The following CLEC16A variants were observed in gnomAD, a reference collection of about 807,000 sequenced individuals.
CLEC16A encodes the protein protein CLEC16A.
Under a neutral mutation model 109.5 loss-of-function variants are expected in CLEC16A, and 51 were observed. The observed-to-expected ratio is 0.47, with a 90% CI of 0.37 to 0.59. CLEC16A has a LOEUF of 0.59. Ranked by LOEUF, CLEC16A falls within the 20% of genes least tolerant of loss-of-function variation. The pLI is 0.00. For missense variants in CLEC16A, 1,339 were observed against 1,394.0 expected (o/e 0.96, Z 0.63); for synonymous variants, 673 against 564.2 (o/e 1.19, Z -2.73).
Position 11,178,480 on chromosome 16 carries a change from C to T in CLEC16A, c.2952C>T (p.Val984=). 4.3e-6 allele frequency: 7 copies of T among 1,613,658 alleles called. No individual in the cohort carries two copies. The highest frequency in any genetic ancestry group is 5.9e-6 in the Non-Finnish European group (7 of 1,179,902). The change falls in exon 24 of 24, where the codon GTC becomes GTT. Residue 984 remains valine, a synonymous_variant. Coordinates refer to ENST00000409790, the MANE Select transcript of CLEC16A (RefSeq NM_015226.3). The surrounding 1 kb of genome is among the most constrained non-coding windows in gnomAD (Gnocchi z 6.5). The part of the protein sequence containing the change: ...VETASLSPSL[V]PARQPTISLL... The stretch of plus-strand genomic sequence containing the variant: ...CAGCCAGCCTGTCCCCCAGCCTCGT[C>T]CCTGCCCGGCAGCCCACCATTTCCC...
Position 11,178,291 on chromosome 16 carries a change from T to C in CLEC16A, c.2807-44T>C. The C allele has an allele frequency of 6.5e-7, 1 of 1,530,224 alleles. No homozygotes were observed. The highest frequency in any genetic ancestry group is 8.9e-7 in the Non-Finnish European group (1 of 1,118,448). The allele number at this position is 1,530,224 out of a possible 1,614,324, so 94.8% of individuals were successfully genotyped here. A position where few individuals can be genotyped will look rare whatever the true frequency, so the allele number is the denominator to read the frequency against. ...GCACAGGGCGCAGTGCGACGGGGTG[T>C]CTCAAGGGCTCAGTGTGTTTCCGGT... On this transcript the variant is annotated intron_variant, in intron 23 of 23. Transcript: ENST00000409790. This position sits in a 1 kb window ranked among gnomAD's most constrained non-coding sequence, Gnocchi z 6.5.
At chr16:10,972,589 T>G in intron 6 of CLEC16A, 30 bp downstream of exon 6, 1 of 1,590,202 alleles carries the variant, frequency 6.3e-7, no homozygotes, top group Non-Finnish European at 8.6e-7. Flanking sequence ...TTTTCTGCTT[T>G]CTTAATCTAC....
chr16:10,985,218 A>ATATATATAT (rs58768192), intron 10 of CLEC16A, among the ~76,000 whole-genome samples: 165 of 124,150 alleles, frequency 1.3e-3, no homozygotes, highest in South Asian at 9.2e-3. Flanking sequence ...AAAAAAAAAA[A>ATATATATAT]AAATATATAT....
intron 13 of CLEC16A, among the ~76,000 whole-genome samples, chr16:11,033,228 T>C (rs1401450960): frequency 6.6e-6 from 1 of 151,878 alleles, no homozygotes; most frequent in Non-Finnish European, 1.5e-5. Flanking sequence ...TGGGGGTGCA[T>C]TTACTAGGAT....
chr16:10,959,427 T>C (rs974254213), intron 2 of CLEC16A, among the ~76,000 whole-genome samples: 2 of 152,232 alleles, frequency 1.3e-5, no homozygotes, highest in African/African-American at 2.4e-5. Flanking sequence ...AGTCTTGCTC[T>C]GTCATCCAGG....
intron 22 of CLEC16A, among the ~76,000 whole-genome samples, chr16:11,159,173 G>A (rs1438240405): frequency 2.6e-5 from 4 of 152,196 alleles, no homozygotes; most frequent in Non-Finnish European, 5.9e-5. Context: ...AGAAGAAGCT[G>A]GAATCTGTGC....
chr16:10,982,922 T>C lies in CLEC16A; in HGVS notation c.1002T>C (p.Ala334=), dbSNP rs199527111. The change falls in exon 10 of 24, where the codon GCT becomes GCC. Residue 334 remains alanine (A), a synonymous_variant. Coordinates refer to ENST00000409790, the MANE Select transcript of CLEC16A (RefSeq NM_015226.3). The part of the protein sequence containing the change: ...IHHAPLVNSL[A]EVILNGDLSE... ...ATGCACCGCTGGTGAACTCGTTAGC[T>C]GAAGTCATTCTGAATGGTGATCTGT... 9 of 1,613,216 alleles carry C rather than the reference T, an allele frequency of 5.6e-6. No individual in the cohort carries two copies. The South Asian group carries it at 8.8e-5, about 16-fold the overall frequency.
At chr16:11,041,408 G>A (rs1239666670) in intron 14 of CLEC16A, 1 of 152,228 alleles carries the variant, frequency 6.6e-6, no homozygotes, top group Non-Finnish European at 1.5e-5. Context: ...TATAAAGACT[G>A]CTGAGGCCTA....
At chr16:11,055,714 A>G (rs1265547677) in intron 18 of CLEC16A, among the ~76,000 whole-genome samples, 1 of 147,912 alleles carries the variant, frequency 6.8e-6, no homozygotes, top group South Asian at 2.1e-4. Flanking sequence ...CAGCCTCTAC[A>G]GTAGCATGAG....
intron 21 of CLEC16A, among the ~76,000 whole-genome samples, chr16:11,124,630 C>T (rs2052667560): frequency 6.6e-6 from 1 of 152,188 alleles, no homozygotes; most frequent in African/African-American, 2.4e-5. Flanking sequence ...AAGGCCTTCT[C>T]CTCGGCGTGG....
At chr16:10,981,303 G>A (rs2043309525) in intron 9 of CLEC16A, among the ~76,000 whole-genome samples, 1 of 152,208 alleles carries the variant, frequency 6.6e-6, no homozygotes. Context: ...AGTGATGTGT[G>A]GCAGTAATTC....
In CLEC16A at chr16:11,042,304, C is replaced by T; in HGVS notation, c.1711C>T (p.Gln571Ter). Residue 571 changes from glutamine (Q) to a stop codon, truncating the protein, a stop_gained, in exon 15 of 24, where the codon CAG (glutamine) becomes TAG (stop). Transcript: ENST00000409790. LOFTEE classifies it high-confidence loss of function. ...TLELSCLLLK[Q>*]QVLMSAGCIM... is the part of the protein sequence containing the mutation. Reference sequence around the variant, plus strand: ...GGAGCTGAGCTGCCTGCTTCTGAAGCAGCAAGTCCTGATGAGTGCTGGCTG... The same window carrying T: ...GGAGCTGAGCTGCCTGCTTCTGAAGTAGCAAGTCCTGATGAGTGCTGGCTG... 6.3e-7 allele frequency: 1 copy of T among 1,593,820 alleles called. No individual in the cohort carries two copies. Among genetic ancestry groups the T allele is most frequent in the Non-Finnish European group, 8.5e-7 (1 of 1,170,538 alleles).
At chr16:11,160,066 C>T (rs2054668010) in intron 22 of CLEC16A, among the ~76,000 whole-genome samples, 1 of 152,108 alleles carries the variant, frequency 6.6e-6, no homozygotes, top group Non-Finnish European at 1.5e-5. Flanking sequence ...CTAAAAGGTT[C>T]CTGTGGAATC....
chr16:10,962,201 A>C (rs1054218767), intron 2 of CLEC16A, among the ~76,000 whole-genome samples: 6 of 152,038 alleles, frequency 3.9e-5, no homozygotes, highest in African/African-American at 1.4e-4. Context: ...ATCCTGCCTC[A>C]GCCTCCCAAA....
chr16:11,119,334 G>A (rs547311789), intron 19 of CLEC16A, among the ~76,000 whole-genome samples: 1 of 152,152 alleles, frequency 6.6e-6, no homozygotes, highest in Non-Finnish European at 1.5e-5. Flanking sequence ...GTACCATGCT[G>A]TGTTGGTTAT....
chr16:10,994,255 C>T (rs981589953), intron 10 of CLEC16A, among the ~76,000 whole-genome samples: 2 of 152,194 alleles, frequency 1.3e-5, no homozygotes, highest in Admixed American at 6.5e-5. Context: ...TCGGCAGTGC[C>T]GTCAAATCGC....
intron 3 of CLEC16A, among the ~76,000 whole-genome samples, chr16:10,968,379 C>G (rs1194242850): frequency 6.6e-6 from 1 of 152,222 alleles, no homozygotes; most frequent in African/African-American, 2.4e-5. Flanking sequence ...TGAAAGCCCT[C>G]ACCATACTGG....
Position 11,008,969 on chromosome 16 carries a change from A to T in CLEC16A, c.1303+5664A>T, listed in dbSNP as rs565479762. 5.9e-5 allele frequency among the ~76,000 whole-genome samples: 9 copies of T among 152,286 alleles called. No homozygotes were observed. The South Asian group carries it at 1.9e-3, about 32-fold the overall frequency. On this transcript the variant is annotated intron_variant, in intron 11 of 23. Transcript: ENST00000409790. ...AGCCGAGATCGCGCCACTGCACTCC[A>T]GCCTGGGCAGCAGAGCGAGACTCTG...
At chr16:11,176,580 CTT>C (rs1474466666) in intron 23 of CLEC16A, among the ~76,000 whole-genome samples, 2 of 152,110 alleles carry the variant, frequency 1.3e-5, no homozygotes, top group African/African-American at 4.8e-5. Flanking sequence ...CTACAAAAAA[CTT>C]TAAAAATTAG....
Sources: allele counts gnomAD v4.1 joint callset (sites outside exome capture counted in the v4.1 genomes callset), GRCh38; gene constraint gnomAD v4.1.1; non-coding constraint Gnocchi (gnomAD v3.1); transcripts MANE v1.5; gene names NCBI Gene and HGNC (gene_info 2026-07-23, HGNC 2026-07-21).